Variants in CLNK observed in about 807,000 individuals in gnomAD.
CLNK encodes cytokine-dependent hematopoietic cell linker.
Under a neutral mutation model 68.6 loss-of-function variants are expected in CLNK, and 74 were observed. That is an observed-to-expected ratio of 1.08 (90% CI 0.89 to 1.31). The LOEUF is 1.31. CLNK is among the 50% of genes most tolerant of loss of function. The probability of loss-of-function intolerance (pLI) is 0.00; values close to 1 mark genes in which losing one functional copy is unlikely to be tolerated. For synonymous variants in CLNK, 198 were observed against 172.2 expected, an observed-to-expected ratio of 1.15 and a Z score of -1.17; for missense variants, 553 against 515.3, an observed-to-expected ratio of 1.07 and a Z score of -0.71.
intron 18 of CLNK, among the ~76,000 whole-genome samples, chr4:10,498,364 C>T (rs185410472): frequency 3.4e-5 from 5 of 144,958 alleles, no homozygotes; most frequent in East Asian, 2.1e-4. Context: ...TGGTGGTGGG[C>T]GCCTGTAGTC....
At chr4:10,633,974 C>G (rs188679577) in intron 2 of CLNK, among the ~76,000 whole-genome samples, 1 of 152,246 alleles carries the variant, frequency 6.6e-6, no homozygotes, top group East Asian at 1.9e-4. Flanking sequence ...ATGAGAACTC[C>G]CATTTTACAG....
At chr4:10,640,281 T>C (rs28462041) in intron 2 of CLNK, among the ~76,000 whole-genome samples, 49,467 of 151,900 alleles carry the variant, frequency 0.33, 9,233 homozygotes, top group African/African-American at 0.52. Context: ...TCTCCTGCCT[T>C]GGCCTCCCAA....
chr4:10,638,693 G>A (rs1434269730), intron 2 of CLNK, among the ~76,000 whole-genome samples: 1 of 152,178 alleles, frequency 6.6e-6, no homozygotes, highest in Admixed American at 6.5e-5. Context: ...CATTTGGAGA[G>A]ATTTATCAAA....
At chr4:10,608,766 A>G (rs572746824) in intron 2 of CLNK, among the ~76,000 whole-genome samples, 1 of 152,330 alleles carries the variant, frequency 6.6e-6, no homozygotes, top group South Asian at 2.1e-4. Context: ...TCGGGCTGCT[A>G]TAACAAATTA....
the CLNK span, among the ~76,000 whole-genome samples, chr4:10,718,529 G>A: frequency 6.6e-6 from 1 of 151,700 alleles, no homozygotes; most frequent in Non-Finnish European, 1.5e-5. Flanking sequence ...TGTAAAGCCA[G>A]CATTTTATAT....
the CLNK span, among the ~76,000 whole-genome samples, chr4:10,721,828 C>A: frequency 1.1e-4 from 16 of 152,158 alleles, no homozygotes; most frequent in African/African-American, 3.9e-4. Context: ...ACCAAACAAC[C>A]AAGGTTGACA....
chr4:10,634,525 A>G (rs948012438), intron 2 of CLNK, among the ~76,000 whole-genome samples: 1 of 152,224 alleles, frequency 6.6e-6, no homozygotes, highest in Non-Finnish European at 1.5e-5. Flanking sequence ...AAGGAAGAGC[A>G]AAGAACCCAG....
intron 4 of CLNK, among the ~76,000 whole-genome samples, chr4:10,572,839 G>C (rs1475680965): frequency 6.6e-6 from 1 of 151,870 alleles, no homozygotes; most frequent in Non-Finnish European, 1.5e-5. Flanking sequence ...GTTTTTTCTT[G>C]TTTTTTTGAG....
intron 4 of CLNK, among the ~76,000 whole-genome samples, chr4:10,574,853 A>G (rs1220834701): frequency 6.6e-6 from 1 of 152,044 alleles, no homozygotes; most frequent in East Asian, 1.9e-4. Context: ...TTCCGTTCTG[A>G]TTACTGGTGC....
chr4:10,699,343 T>TACACAC, the CLNK span, among the ~76,000 whole-genome samples: 308 of 29,832 alleles, frequency 0.01, 18 homozygotes, highest in Middle Eastern at 0.031. Flanking sequence ...CGTGTGTGTA[T>TACACAC]ACACACACAC....
the CLNK span, among the ~76,000 whole-genome samples, chr4:10,730,624 T>C: frequency 6.6e-6 from 1 of 152,118 alleles, no homozygotes; most frequent in Non-Finnish European, 1.5e-5. Context: ...AAATACATGT[T>C]CCCAATCTCC....
the CLNK span, among the ~76,000 whole-genome samples, chr4:10,690,293 G>A: frequency 6.6e-6 from 1 of 152,118 alleles, no homozygotes; most frequent in South Asian, 2.1e-4. Context: ...CCCAACATGG[G>A]TAAATCCAGG....
chr4:10,638,234 C>T (rs1230526894), intron 2 of CLNK, among the ~76,000 whole-genome samples: 2 of 152,294 alleles, frequency 1.3e-5, no homozygotes, highest in East Asian at 1.9e-4. Context: ...ACTCAGGATT[C>T]GTAACCACCC....
intron 11 of CLNK, among the ~76,000 whole-genome samples, chr4:10,537,694 C>CTTT (rs1560206942): frequency 6.1e-4 from 5 of 8,232 alleles, no homozygotes; most frequent in Non-Finnish European, 9.7e-4. Context: ...TTCCTTCCTT[C>CTTT]CTTCCTTCCT....
At chr4:10,618,254 A>G (rs999360656) in intron 2 of CLNK, among the ~76,000 whole-genome samples, 2 of 152,240 alleles carry the variant, frequency 1.3e-5, no homozygotes, top group Admixed American at 6.5e-5. Context: ...ATGAAAAGTG[A>G]AAGAAGCCAG....
chr4:10,668,658 C>T (rs948034654), intron 1 of CLNK, among the ~76,000 whole-genome samples: 6 of 152,136 alleles, frequency 3.9e-5, no homozygotes, highest in East Asian at 1.9e-4. Context: ...AACAAAAGGG[C>T]GCTGTCACAT....
At chr4:10,537,410 A>T (rs1718800664) in intron 11 of CLNK, among the ~76,000 whole-genome samples, 1 of 152,168 alleles carries the variant, frequency 6.6e-6, no homozygotes, top group South Asian at 2.1e-4. Flanking sequence ...CCCGGGAGGC[A>T]GAGGTTGCAG....
intron 2 of CLNK, among the ~76,000 whole-genome samples, chr4:10,658,459 G>T (rs190692747): frequency 1.7e-3 from 259 of 152,250 alleles, no homozygotes; most frequent in Non-Finnish European, 2.7e-3. Flanking sequence ...ATCTCTCCTG[G>T]TTCTCAGCTG....
chr4:10,540,950 C>G (rs910285797), intron 10 of CLNK, among the ~76,000 whole-genome samples: 3 of 152,062 alleles, frequency 2.0e-5, no homozygotes, highest in Non-Finnish European at 2.9e-5. Context: ...CATGGTGGCT[C>G]ACGCCTGTAA....
Sources: gnomAD v4.1 joint callset for allele counts (sites outside exome capture counted in the v4.1 genomes callset) on GRCh38, gnomAD v4.1.1 for gene constraint, MANE v1.5 for transcripts, NCBI Gene and HGNC (gene_info 2026-07-23, HGNC 2026-07-21) for gene names.